Variants in DTHD1 observed in about 807,000 individuals in gnomAD.
DTHD1 encodes the protein death domain-containing protein 1.
A neutral mutation model predicts 74.8 loss-of-function variants in DTHD1; 59 were observed. The ratio of observed to expected loss-of-function variants is 0.79; its 90% CI spans 0.64 to 0.98. The LOEUF is 0.98. DTHD1 is among the 50% of genes least tolerant of loss of function. The pLI is 0.00. For missense variants in DTHD1, 1,051 were observed against 1,065.4 expected (o/e 0.99, Z 0.19); for synonymous variants, 365 against 371.1 (o/e 0.98, Z 0.19).
At chr4:36,329,979 C>A (rs574049146) in intron 8 of DTHD1, among the ~76,000 whole-genome samples, 1 of 152,136 alleles carries the variant, frequency 6.6e-6, no homozygotes, top group East Asian at 1.9e-4. Flanking sequence ...TCTTTTAAAA[C>A]GTATTTATGT....
Position 36,306,372 on chromosome 4 carries a change from T to C in DTHD1, c.1805+20T>C. 1.3e-6 allele frequency: 2 copies of C among 1,518,962 alleles called. No individual in the cohort carries two copies. Among genetic ancestry groups the C allele is most frequent in the Non-Finnish European group, 8.9e-7 (1 of 1,127,696 alleles). 94.1% of individuals were successfully genotyped at this position (1,518,962 alleles called of 1,614,324 possible). On this transcript the variant is annotated intron_variant, in intron 6 of 9. Coordinates refer to ENST00000639862, the MANE Select transcript of DTHD1 (RefSeq NM_001170700.3). ...GGAGAGGTAATACCATCAAAAACAA[T>C]CAAAGTTGATGATACTCTTTCTGAT...
intron 8 of DTHD1, among the ~76,000 whole-genome samples, chr4:36,318,508 T>C (rs968334041): frequency 1.3e-5 from 2 of 152,166 alleles, no homozygotes; most frequent in South Asian, 4.1e-4. Flanking sequence ...AGTAGAGGAA[T>C]TTATTAAGCC....
At chr4:36,293,165 A>G (rs1756182111) in intron 3 of DTHD1, among the ~76,000 whole-genome samples, 1 of 152,246 alleles carries the variant, frequency 6.6e-6, no homozygotes, top group Non-Finnish European at 1.5e-5. Context: ...TGTTTTGGAT[A>G]AAGGTCAATA....
chr4:36,309,725 G>C (rs767226771), intron 7 of DTHD1, among the ~76,000 whole-genome samples: 3 of 151,986 alleles, frequency 2.0e-5, no homozygotes, highest in Non-Finnish European at 4.4e-5. Flanking sequence ...CACCAGTAAT[G>C]TATTACCAGT....
intron 1 of DTHD1, among the ~76,000 whole-genome samples, chr4:36,283,303 G>C (rs1267290924): frequency 6.6e-6 from 1 of 152,196 alleles, no homozygotes; most frequent in Non-Finnish European, 1.5e-5. Context: ...GAGTGAAGAA[G>C]GTTGACCTGA....
rs192124414 is a variant in DTHD1 at position 36,284,312 on chromosome 4, G to T, written c.608G>T (p.Gly203Val). The change falls in exon 2 of 10, where the codon GGG (glycine) becomes GTG (valine). Residue 203 changes from glycine (G) to valine (V), a missense_variant. Gly to Val is a moderately radical substitution (Grantham distance 109). Coordinates refer to ENST00000639862, the MANE Select transcript of DTHD1 (RefSeq NM_001170700.3). ...NNTSLNGRVL[G>V]QEESQNKMFP... ...ACATCACTGAATGGACGTGTACTGG[G>T]GCAAGAAGAGTCACAGAATAAAATG... 70 of 1,537,098 alleles carry T rather than the reference G, an allele frequency of 4.6e-5. No individual in the cohort carries two copies. In the Admixed American group the frequency reaches 1.3e-3, roughly 29 times the overall value.
At chr4:36,321,991 C>T (rs556193373) in intron 8 of DTHD1, among the ~76,000 whole-genome samples, 73 of 150,860 alleles carry the variant, frequency 4.8e-4, no homozygotes, top group African/African-American at 1.6e-3. Flanking sequence ...ATCTGCATGT[C>T]TGTTACCCTT....
intron 8 of DTHD1, among the ~76,000 whole-genome samples, chr4:36,325,629 C>G (rs992776192): frequency 2.0e-5 from 3 of 152,080 alleles, no homozygotes; most frequent in African/African-American, 7.2e-5. Flanking sequence ...ATCAACAGGT[C>G]TTGGTGATAG....
Position 36,284,202 on chromosome 4 carries a change from A to T in DTHD1, c.498A>T (p.Gly166=). The part of the protein sequence containing the change: ...IETATVSPTN[G]EESHYTNQVQ... Reference sequence around the variant, plus strand: ...CAGCTACTGTTTCTCCCACAAATGGAGAGGAAAGTCATTACACAAACCAGG... The same window carrying T: ...CAGCTACTGTTTCTCCCACAAATGGTGAGGAAAGTCATTACACAAACCAGG... Residue 166 remains glycine (G), a synonymous_variant, in exon 2 of 10, where the codon GGA becomes GGT. Transcript: ENST00000639862. The T allele has an allele frequency of 6.5e-7, 1 of 1,537,226 alleles. No homozygotes were observed. Among genetic ancestry groups the T allele is most frequent in the South Asian group, 1.2e-5 (1 of 84,066 alleles).
intron 7 of DTHD1, among the ~76,000 whole-genome samples, chr4:36,312,279 G>T (rs1757451641): frequency 6.6e-6 from 1 of 151,362 alleles, no homozygotes. Flanking sequence ...AAGTTGCCCT[G>T]AATGCCCTTT....
intron 8 of DTHD1, among the ~76,000 whole-genome samples, chr4:36,326,412 T>C (rs1028383881): frequency 5.4e-5 from 8 of 148,370 alleles, no homozygotes; most frequent in African/African-American, 1.0e-4. Flanking sequence ...AACTTATTTA[T>C]TGAAAAAAAA....
chr4:36,311,167 C>T (rs891966419), intron 7 of DTHD1: 2 of 152,166 alleles, frequency 1.3e-5, no homozygotes, highest in East Asian at 1.9e-4. Context: ...CCAAGGCAGC[C>T]GTCACCTGTG....
intron 7 of DTHD1, among the ~76,000 whole-genome samples, chr4:36,312,201 G>C (rs1757448774): frequency 6.6e-6 from 1 of 151,454 alleles, no homozygotes; most frequent in Admixed American, 6.6e-5. Context: ...GTTTTAATAT[G>C]ATTTTATATA....
In DTHD1 at chr4:36,290,639, A is replaced by G. The variant is rs1274655498; in HGVS notation, c.1154A>G (p.Asp385Gly). Residue 385 changes from aspartate to glycine, a missense_variant, in exon 3 of 10, where the codon GAC becomes GGC. Coordinates refer to ENST00000639862, the MANE Select transcript of DTHD1 (RefSeq NM_001170700.3). ...NYRDIMVKVC[D>G]INLQSSYLNP... ...AGAGATATCATGGTGAAAGTGTGTG[A>G]CATAAACCTTCAATCAAGTTACCTA... 8.4e-6 allele frequency: 13 copies of G among 1,548,386 alleles called. No homozygotes were observed. The South Asian group carries it at 1.5e-4, about 18-fold the overall frequency.
chr4:36,309,286 A>C (rs922021447), intron 7 of DTHD1, among the ~76,000 whole-genome samples: 5 of 152,004 alleles, frequency 3.3e-5, no homozygotes, highest in Non-Finnish European at 5.9e-5. Flanking sequence ...AAATACACAC[A>C]ACACACACAC....
chr4:36,316,734 TA>T (rs879696678), intron 8 of DTHD1, among the ~76,000 whole-genome samples: 4 of 152,220 alleles, frequency 2.6e-5, no homozygotes, highest in Non-Finnish European at 5.9e-5. Flanking sequence ...ATGTTGTTGC[TA>T]ACTATGAAAA....
intron 5 of DTHD1, among the ~76,000 whole-genome samples, chr4:36,303,891 T>C (rs537243671): frequency 1.1e-3 from 172 of 152,328 alleles, no homozygotes; most frequent in African/African-American, 4.0e-3. Flanking sequence ...AGAAAGACCT[T>C]TGGATAGACC....
At chr4:36,318,612 C>CTTTTTTTTTTTTT (rs397992934) in intron 8 of DTHD1, among the ~76,000 whole-genome samples, 53 of 111,798 alleles carry the variant, frequency 4.7e-4, no homozygotes, top group Non-Finnish European at 6.2e-4. Context: ...TTTTTCTTTT[C>CTTTTTTTTTTTTT]TTTTTTTTTT....
chr4:36,336,645 A>AGC (rs1308825815), intron 8 of DTHD1, among the ~76,000 whole-genome samples: 1 of 152,086 alleles, frequency 6.6e-6, no homozygotes, highest in Non-Finnish European at 1.5e-5. Flanking sequence ...AATAGGGAGG[A>AGC]TTTCACAGCT....
Sources: allele counts gnomAD v4.1 joint callset (sites outside exome capture counted in the v4.1 genomes callset), GRCh38; gene constraint gnomAD v4.1.1; transcripts MANE v1.5; gene names NCBI Gene and HGNC (gene_info 2026-07-23, HGNC 2026-07-21).